Variants in TIMM50 observed in about 807,000 individuals in gnomAD.
TIMM50 encodes the protein mitochondrial import inner membrane translocase subunit TIM50.
TIMM50 carries 34 observed loss-of-function variants against 49.6 expected under a neutral mutation model. The observed-to-expected ratio is 0.69, with a 90% CI of 0.52 to 0.91. The LOEUF (loss-of-function observed/expected upper bound fraction) is 0.91, where lower values mean the gene tolerates loss of function less well. Among genes scored for constraint, TIMM50 ranks in the 40% least tolerant of loss-of-function variants. The pLI is 0.00. For missense variants in TIMM50, 458 were observed against 477.8 expected (o/e 0.96, Z 0.39); for synonymous variants, 199 against 198.4 (o/e 1.00, Z -0.03).
chr19:39,489,348 C>T (rs1241416765), intron 10 of TIMM50, among the ~76,000 whole-genome samples: 2 of 152,090 alleles, frequency 1.3e-5, no homozygotes, highest in East Asian at 3.9e-4. Context: ...GCGATAGGAT[C>T]TCAGGCTCAG....
At position 39,483,306 on chromosome 19, in the gene TIMM50, G is replaced by T. The variant is rs1163197983; in HGVS notation, c.313+150G>T. On this transcript the variant is annotated intron_variant, in intron 4 of 10. Transcript: ENST00000607714. ...GCAGCTGGATGGCTTTGTGGGGAGG[G>T]ACATTACAAAGCCCAAGCCCACTTC... 12 of 1,017,092 alleles carry T rather than the reference G, an allele frequency of 1.2e-5. No individual in the cohort carries two copies. In the East Asian group the frequency reaches 2.7e-4, roughly 23 times the overall value. The allele number at this position is 1,017,092 out of a possible 1,614,324, so 63.0% of individuals were successfully genotyped here.
rs1030674282 is a variant in TIMM50, at chr19:39,492,969, TCC to T, written c.*3150_*3151del. On this transcript the variant is annotated 3_prime_UTR_variant, in exon 11 of 11. Transcript: ENST00000607714. ...CATTGCCCCCCACTATCCCAGTCTCTCCTACTCCAGCCTTCATCTAGTGCTAA... is the reference window on the plus strand; with the variant it reads ...CATTGCCCCCCACTATCCCAGTCTCTTACTCCAGCCTTCATCTAGTGCTAA... 6 of 149,880 alleles carry T rather than the reference TCC, an allele frequency of 4.0e-5. No individual in the cohort carries two copies. The highest frequency in any genetic ancestry group is 1.2e-4 in the African/African-American group (5 of 40,666). 9.3% of individuals were successfully genotyped at this position (149,880 alleles called of 1,614,324 possible).
rs1031775839 is a variant in TIMM50, at chr19:39,488,458, A to G, written c.854-81A>G. The G allele has an allele frequency of 3.0e-6, 4 of 1,343,430 alleles. No individual in the cohort carries two copies. In the Admixed American group the frequency reaches 7.1e-5, roughly 24 times the overall value. The allele number at this position is 1,343,430 out of a possible 1,614,324, so 83.2% of individuals were successfully genotyped here. A position where few individuals can be genotyped will look rare whatever the true frequency, so the allele number is the denominator to read the frequency against. On this transcript the variant is annotated intron_variant, in intron 9 of 10. Coordinates refer to ENST00000607714, the MANE Select transcript of TIMM50 (RefSeq NM_001001563.5). ...GTAGCACTGACTGCCCCCGTGCCCC[A>G]GTGCGGGACGTTCCCCTCATGGGCC... is the stretch of plus-strand genomic sequence containing the variant.
rs1032076543 is a variant in TIMM50 at position 39,493,063 on chromosome 19, G to C, written c.*3243G>C. 2 of 151,518 alleles carry C rather than the reference G, an allele frequency of 1.3e-5. No individual in the cohort carries two copies. The highest frequency in any genetic ancestry group is 2.4e-5 in the African/African-American group (1 of 41,178). The allele number at this position is 151,518 out of a possible 1,614,324, so 9.4% of individuals were successfully genotyped here. A position where few individuals can be genotyped will look rare whatever the true frequency, so the allele number is the denominator to read the frequency against. On this transcript the variant is annotated 3_prime_UTR_variant, in exon 11 of 11. Transcript: ENST00000607714. ...TGATAATTAAAAGGCATTCAGAACT[G>C]TGTGGACCAGACTGAACCTCTGCAC...
In TIMM50 at chr19:39,483,242, C is replaced by G. The variant is rs552798687; in HGVS notation, c.313+86C>G. 1.1e-5 allele frequency: 17 copies of G among 1,562,332 alleles called. No individual in the cohort carries two copies. The South Asian group carries it at 1.9e-4, about 18-fold the overall frequency. The stretch of plus-strand genomic sequence containing the variant: ...ATGTCTCTCTCCCCATCTGGTGTCT[C>G]CGGCCCCTCCTCCTTCCACTGGGGA... On this transcript the variant is annotated intron_variant, in intron 4 of 10. Coordinates refer to ENST00000607714, the MANE Select transcript of TIMM50 (RefSeq NM_001001563.5).
In TIMM50 at chr19:39,489,722, GAGCAGC is replaced by G; in HGVS notation, c.968_973del (p.Gln323_Gln324del). 1 of 1,605,818 alleles carries G rather than the reference GAGCAGC, an allele frequency of 6.2e-7. No homozygotes were observed. Among genetic ancestry groups the G allele is most frequent in the Non-Finnish European group, 8.5e-7 (1 of 1,176,656 alleles). Reference sequence around the variant, plus strand: ...TCCAACTGTCCCCCTACCCCAGGAGGAGCAGCAGCGCCTGGCCGAGCTCTCCAAGTC... The same window carrying G: ...TCCAACTGTCCCCCTACCCCAGGAGGAGCGCCTGGCCGAGCTCTCCAAGTC... On this transcript the variant is annotated inframe_deletion, in exon 11 of 11. Coordinates refer to ENST00000607714, the MANE Select transcript of TIMM50 (RefSeq NM_001001563.5).
In TIMM50 at chr19:39,481,940, G is replaced by A; in HGVS notation, c.166G>A (p.Gly56Ser). 6.2e-7 allele frequency: 1 copy of A among 1,614,170 alleles called. No homozygotes were observed. Among genetic ancestry groups the A allele is most frequent in the Non-Finnish European group, 8.5e-7 (1 of 1,180,040 alleles). Reference sequence around the variant, plus strand: ...GGCGCAAGGGCCACAGCAGCAGCCGGGCTCAGAGGGTCCCAGCTATGCCAA... The same window carrying A: ...GGCGCAAGGGCCACAGCAGCAGCCGAGCTCAGAGGGTCCCAGCTATGCCAA... ...TKAQGPQQQP[G>S]SEGPSYAKKV... The change falls in exon 2 of 11, where the codon GGC (glycine) becomes AGC (serine). Residue 56 changes from glycine to serine, a missense_variant. Coordinates refer to ENST00000607714, the MANE Select transcript of TIMM50 (RefSeq NM_001001563.5).
At position 39,489,907 on chromosome 19, in the gene TIMM50, T is replaced by TTTG; in HGVS notation, c.*87_*88insTTG. The stretch of plus-strand genomic sequence containing the variant: ...TTGGGCCACCACTTGTCCAATAAAG[T>TTTG]ACATCCCAGACGCCACACCTGCTGT... On this transcript the variant is annotated 3_prime_UTR_variant, in exon 11 of 11. Transcript: ENST00000607714. The TTTG allele has an allele frequency of 7.8e-7, 1 of 1,275,496 alleles. No homozygotes were observed. Among genetic ancestry groups the TTTG allele is most frequent in the Non-Finnish European group, 1.1e-6 (1 of 897,684 alleles). The allele number at this position is 1,275,496 out of a possible 1,614,324, so 79.0% of individuals were successfully genotyped here. A position where few individuals can be genotyped will look rare whatever the true frequency, so the allele number is the denominator to read the frequency against.
chr19:39,486,345 C>T (rs2079506244), intron 7 of TIMM50, 52 bp from the exon 8 acceptor site: 7 of 1,612,998 alleles, frequency 4.3e-6, no homozygotes, highest in Non-Finnish European at 5.1e-6. Context: ...GCGTAGAGAT[C>T]TGGAGGACCA....
At chr19:39,487,995 T>C in intron 8 of TIMM50, 66 bp from the exon 9 acceptor site, 1 of 1,556,538 alleles carries the variant, frequency 6.4e-7, no homozygotes, top group Non-Finnish European at 8.7e-7. Flanking sequence ...TTTTGTGTGT[T>C]TTGGGTCTTC....
chr19:39,481,181 G>A (rs2079468666), intron 1 of TIMM50: 6 of 595,172 alleles, frequency 1.0e-5, no homozygotes, highest in African/African-American at 8.0e-5. Context: ...ACCCACGTGG[G>A]TGCCGGAGGA....
At chr19:39,482,840 G>T in intron 2 of TIMM50, 45 bp from the exon 3 acceptor site, 1 of 1,613,568 alleles carries the variant, frequency 6.2e-7, no homozygotes. Flanking sequence ...GGGACCCAGG[G>T]GACTGGGCCC....
chr19:39,488,436 G>A, intron 9 of TIMM50, 103 bp from the exon 10 acceptor site: 1 of 1,163,718 alleles, frequency 8.6e-7, no homozygotes, highest in Non-Finnish European at 1.3e-6. Context: ...ATTCCAGGTA[G>A]CACTGACTGC....
chr19:39,481,623 A>G (rs2288933), intron 1 of TIMM50, among the ~76,000 whole-genome samples: 91,587 of 151,790 alleles, frequency 0.6, 28,472 homozygotes, highest in African/African-American at 0.75. Flanking sequence ...TGGGCTGCAG[A>G]CCCTCCAGTC....
Position 39,480,880 on chromosome 19 carries a change from G to T in TIMM50, c.27G>T (p.Ser9=), listed in dbSNP as rs757925955. Residue 9 remains serine, a synonymous_variant, in exon 1 of 11, where the codon TCG becomes TCT. Transcript: ENST00000607714. MAASAAVF[S]RLRSGLRLGS... Reference sequence around the variant, plus strand: ...TGGCGGCCTCGGCAGCGGTGTTCTCGCGCTTGCGAAGCGGGCTCCGGCTCG... The same window carrying T: ...TGGCGGCCTCGGCAGCGGTGTTCTCTCGCTTGCGAAGCGGGCTCCGGCTCG... 3 of 1,599,772 alleles carry T rather than the reference G, an allele frequency of 1.9e-6. No homozygotes were observed. The highest frequency in any genetic ancestry group is 1.1e-5 in the South Asian group (1 of 89,984).
intron 4 of TIMM50, among the ~76,000 whole-genome samples, chr19:39,483,978 C>G (rs534333703): frequency 6.6e-6 from 1 of 152,062 alleles, no homozygotes. Flanking sequence ...CTCAGCCTCC[C>G]GAGTAGCTGG....
In TIMM50 at chr19:39,480,887, C is replaced by A. The variant is rs780447973; in HGVS notation, c.34C>A (p.Arg12=). The part of the protein sequence containing the change: ...AASAAVFSRL[R]SGLRLGSRGL... Reference sequence around the variant, plus strand: ...CTCGGCAGCGGTGTTCTCGCGCTTGCGAAGCGGGCTCCGGCTCGGCTCGCG... The same window carrying A: ...CTCGGCAGCGGTGTTCTCGCGCTTGAGAAGCGGGCTCCGGCTCGGCTCGCG... The change falls in exon 1 of 11, where the codon CGA becomes AGA. Residue 12 remains arginine (R), a synonymous_variant. Transcript: ENST00000607714. 8.1e-6 allele frequency: 13 copies of A among 1,598,846 alleles called. 1 individual carries two copies. The South Asian group carries it at 1.3e-4, about 16-fold the overall frequency.
intron 4 of TIMM50, among the ~76,000 whole-genome samples, chr19:39,483,729 G>A (rs566116356): frequency 2.8e-4 from 43 of 152,212 alleles, no homozygotes; most frequent in Non-Finnish European, 4.0e-4. Context: ...GTTTCAAACT[G>A]GGCAGTTGTA....
At chr19:39,489,344 G>A (rs1668794610) in intron 10 of TIMM50, among the ~76,000 whole-genome samples, 1 of 152,126 alleles carries the variant, frequency 6.6e-6, no homozygotes, top group Admixed American at 6.5e-5. Context: ...GTCTGCGATA[G>A]GATCTCAGGC....
Sources: gnomAD v4.1 joint callset for allele counts (sites outside exome capture counted in the v4.1 genomes callset) on GRCh38, gnomAD v4.1.1 for gene constraint, MANE v1.5 for transcripts, NCBI Gene and HGNC (gene_info 2026-07-23, HGNC 2026-07-21) for gene names.